HABP4: variants seen among roughly 807,000 people sequenced by gnomAD.
HABP4 encodes intracellular hyaluronan-binding protein 4.
A neutral mutation model predicts 44.1 loss-of-function variants in HABP4; 32 were observed. That is an observed-to-expected ratio of 0.73 (90% CI 0.55 to 0.97). The LOEUF is 0.97. HABP4 is among the 50% of genes least tolerant of loss of function. The pLI, the probability that HABP4 is intolerant of heterozygous loss-of-function variation, is 0.00. For missense variants in HABP4, 503 were observed against 561.9 expected (o/e 0.90, Z 1.06); for synonymous variants, 216 against 218.0 (o/e 0.99, Z 0.08).
At chr9:96,464,194 T>A (rs1344891067) in intron 2 of HABP4, among the ~76,000 whole-genome samples, 1 of 152,082 alleles carries the variant, frequency 6.6e-6, no homozygotes, top group African/African-American at 2.4e-5. Context: ...GCGTTGGGCA[T>A]GTGTGTGCCT....
chr9:96,485,019 T>C (rs34304649), intron 6 of HABP4, among the ~76,000 whole-genome samples: 4 of 152,108 alleles, frequency 2.6e-5, no homozygotes, highest in Non-Finnish European at 5.9e-5. Flanking sequence ...TTCAACTCTG[T>C]TTCTTGATAA....
chr9:96,487,938 C>T, intron 6 of HABP4, 151 bp from the exon 7 acceptor site: 1 of 631,316 alleles, frequency 1.6e-6, no homozygotes, highest in Non-Finnish European at 2.9e-6. Context: ...TCCAGCTCTG[C>T]AGCCCAGGGC....
intron 1 of HABP4, among the ~76,000 whole-genome samples, chr9:96,452,783 A>T (rs1447881494): frequency 2.6e-5 from 4 of 152,068 alleles, no homozygotes; most frequent in South Asian, 2.1e-4. Flanking sequence ...AACATTCAAA[A>T]TTTTTTATCT....
At chr9:96,487,201 T>C (rs1367034335) in intron 6 of HABP4, among the ~76,000 whole-genome samples, 1 of 147,848 alleles carries the variant, frequency 6.8e-6, no homozygotes, top group African/African-American at 2.4e-5. Flanking sequence ...GTGGAAACTT[T>C]GCTCCATTTC....
chr9:96,465,678 C>T, intron 3 of HABP4, 32 bp from the exon 4 acceptor site: 1 of 1,459,274 alleles, frequency 6.9e-7, no homozygotes, highest in South Asian at 1.1e-5. Context: ...AGACTAGCTT[C>T]TGGTTTAAGG....
In HABP4 at chr9:96,491,030, C is replaced by T. The variant is rs1162798804; in HGVS notation, c.*992C>T. ...TTCAGTAATTCACCTGGAGTCCCACCCTGAACAGAGCTGGACCCAGAGCCA... is the reference window on the plus strand; with the variant it reads ...TTCAGTAATTCACCTGGAGTCCCACTCTGAACAGAGCTGGACCCAGAGCCA... On this transcript the variant is annotated 3_prime_UTR_variant, in exon 8 of 8. Transcript: ENST00000375249. The T allele has an allele frequency of 6.6e-6, 1 of 152,266 alleles. No individual in the cohort carries two copies. The highest frequency in any genetic ancestry group is 2.4e-5 in the African/African-American group (1 of 41,434). 9.4% of individuals were successfully genotyped at this position (152,266 alleles called of 1,614,324 possible).
intron 4 of HABP4, among the ~76,000 whole-genome samples, chr9:96,470,601 A>C (rs868152784): frequency 6.6e-6 from 1 of 152,008 alleles, no homozygotes; most frequent in East Asian, 1.9e-4. Context: ...TTAAAAAAAA[A>C]CTTACTTTAA....
At chr9:96,475,924 A>G (rs1215128505) in intron 5 of HABP4, among the ~76,000 whole-genome samples, 1 of 152,166 alleles carries the variant, frequency 6.6e-6, no homozygotes, top group Non-Finnish European at 1.5e-5. Flanking sequence ...CATTTGTCCC[A>G]GTTAAATATC....
chr9:96,475,753 T>C (rs1342757789), intron 5 of HABP4, among the ~76,000 whole-genome samples: 1 of 152,370 alleles, frequency 6.6e-6, no homozygotes, highest in East Asian at 1.9e-4. Context: ...TACTCAGGAA[T>C]ATGGAGCATC....
chr9:96,477,502 A>T (rs1191813930), intron 5 of HABP4, among the ~76,000 whole-genome samples: 1 of 151,828 alleles, frequency 6.6e-6, no homozygotes, highest in Non-Finnish European at 1.5e-5. Context: ...TATACCTGCT[A>T]CTCTTTTTTA....
At chr9:96,457,498 T>C (rs1313210470) in intron 1 of HABP4, among the ~76,000 whole-genome samples, 2 of 152,230 alleles carry the variant, frequency 1.3e-5, no homozygotes, top group African/African-American at 2.4e-5. Flanking sequence ...AAGTTATAAC[T>C]GCAAGTCTAT....
chr9:96,455,059 C>G (rs1351447352), intron 1 of HABP4, among the ~76,000 whole-genome samples: 1 of 151,988 alleles, frequency 6.6e-6, no homozygotes, highest in African/African-American at 2.4e-5. Flanking sequence ...GTCAAGGCTG[C>G]AGTAAACTAT....
Position 96,490,143 on chromosome 9 carries a change from T to C in HABP4, c.*105T>C. On this transcript the variant is annotated 3_prime_UTR_variant, in exon 8 of 8. Coordinates refer to ENST00000375249, the MANE Select transcript of HABP4 (RefSeq NM_014282.4). ...ACTCTAAGAACAATAGATGTTGCTT[T>C]TCCCGTGTCATGTAAATTTGTTGCA... is the stretch of plus-strand genomic sequence containing the variant. 2.7e-6 allele frequency: 2 copies of C among 753,236 alleles called. No homozygotes were observed. The highest frequency in any genetic ancestry group is 1.5e-5 in the South Asian group (1 of 66,694). The allele number at this position is 753,236 out of a possible 1,614,324, so 46.7% of individuals were successfully genotyped here.
At chr9:96,458,266 C>A in intron 1 of HABP4, 113 bp from the exon 2 acceptor site, 1 of 1,091,782 alleles carries the variant, frequency 9.2e-7, no homozygotes, top group Non-Finnish European at 1.4e-6. Context: ...TTCCTGAATT[C>A]TCCTATGACG....
chr9:96,458,489 T>C lies in HABP4; in HGVS notation c.460T>C (p.Tyr154His). 1.2e-6 allele frequency: 2 copies of C among 1,613,404 alleles called. No individual in the cohort carries two copies. Among genetic ancestry groups the C allele is most frequent in the South Asian group, 1.1e-5 (1 of 91,068 alleles). The change falls in exon 2 of 8, where the codon TAT (tyrosine) becomes CAT (histidine). Residue 154 changes from tyrosine to histidine, a missense_variant. Around this residue, in one of 3 missense-constraint regions of HABP4, gnomAD observed 290 missense variants for 300.5 expected, o/e 0.97. Transcript: ENST00000375249. ...ERRSYREYRP[Y>H]ETERQADFTA... ...GAGATCCTACAGGGAATACCGACCC[T>C]ATGAGACAGAGAGGCAGGCAGACTT...
intron 5 of HABP4, among the ~76,000 whole-genome samples, chr9:96,481,384 G>C (rs1287356588): frequency 6.6e-6 from 1 of 151,982 alleles, no homozygotes; most frequent in Non-Finnish European, 1.5e-5. Flanking sequence ...GAGCCACCGC[G>C]CCCGGCCTGT....
intron 1 of HABP4, among the ~76,000 whole-genome samples, chr9:96,451,855 C>G (rs1164356477): frequency 6.6e-6 from 1 of 152,122 alleles, no homozygotes; most frequent in African/African-American, 2.4e-5. Flanking sequence ...TGTTTTTTAT[C>G]TTTTTCTCTT....
At chr9:96,470,932 T>C in intron 4 of HABP4, 79 bp from the exon 5 acceptor site, 2 of 810,246 alleles carry the variant, frequency 2.5e-6, no homozygotes, top group Middle Eastern at 2.4e-4. Context: ...AAAAAAACAA[T>C]GTTTTCTCCT....
intron 1 of HABP4, among the ~76,000 whole-genome samples, chr9:96,457,833 C>G (rs537409020): frequency 1.4e-4 from 22 of 152,282 alleles, no homozygotes; most frequent in Non-Finnish European, 2.9e-4. Context: ...AAACAGTGCA[C>G]TGCACTTCGG....
Sources: allele counts gnomAD v4.1 joint callset (sites outside exome capture counted in the v4.1 genomes callset), GRCh38; gene constraint gnomAD v4.1.1; regional missense constraint gnomAD v4.1.1; transcripts MANE v1.5; gene names NCBI Gene and HGNC (gene_info 2026-07-23, HGNC 2026-07-21).